The following CPNE4 variants were observed in gnomAD, a reference collection of about 807,000 sequenced individuals.
CPNE4 encodes the protein copine 4, also known as copine-4.
CPNE4 carries 25 observed loss-of-function variants against 67.9 expected under a neutral mutation model. That is an observed-to-expected ratio of 0.37 (90% confidence interval 0.27 to 0.51). CPNE4 has a LOEUF of 0.51. Ranked by LOEUF, CPNE4 falls within the 20% of genes least tolerant of loss-of-function variation. The pLI, the probability that CPNE4 is intolerant of heterozygous loss-of-function variation, is 0.93. For synonymous variants in CPNE4, 242 were observed against 244.9 expected, an observed-to-expected ratio of 0.99 and a Z score of 0.11; for missense variants, 464 against 690.8, an observed-to-expected ratio of 0.67 and a Z score of 3.68.
chr3:132,025,415 C>T (rs888136882), intron 1 of CPNE4, among the ~76,000 whole-genome samples: 5 of 152,214 alleles, frequency 3.3e-5, no homozygotes, highest in Admixed American at 2.0e-4. Context: ...TCCAGCATAA[C>T]GCTTGAGTCA....
chr3:131,994,619 A>G (rs2073243288), intron 1 of CPNE4, among the ~76,000 whole-genome samples: 1 of 152,198 alleles, frequency 6.6e-6, no homozygotes, highest in East Asian at 1.9e-4. Context: ...AGGTTTGTGT[A>G]TTTCTTTGGG....
intron 1 of CPNE4, among the ~76,000 whole-genome samples, chr3:131,999,241 T>TAGAAAAAAAAAAAA (rs2073367651): frequency 1.0e-5 from 1 of 98,834 alleles, no homozygotes; most frequent in Non-Finnish European, 1.9e-5. Flanking sequence ...TTATCCAAGG[T>TAGAAAAAAAAAAAA]AAAAAAAAAA....
chr3:131,645,410 A>G (rs2079641396), intron 7 of CPNE4, among the ~76,000 whole-genome samples: 1 of 152,162 alleles, frequency 6.6e-6, no homozygotes, highest in African/African-American at 2.4e-5. Context: ...ATCTATCATA[A>G]CATCTAATAC....
intron 7 of CPNE4, chr3:131,620,367 C>A (rs1226594768): frequency 1.4e-6 from 1 of 707,926 alleles, no homozygotes. Context: ...TTTAAATTGA[C>A]AAACTAGGCT....
chr3:131,708,673 C>T (rs369193183), intron 3 of CPNE4, among the ~76,000 whole-genome samples: 4 of 151,918 alleles, frequency 2.6e-5, no homozygotes, highest in African/African-American at 7.3e-5. Flanking sequence ...CTTCTCTGCT[C>T]AGGCTGGGGA....
At chr3:131,683,416 C>T (rs930464090) in intron 6 of CPNE4, among the ~76,000 whole-genome samples, 4 of 152,098 alleles carry the variant, frequency 2.6e-5, no homozygotes, top group Non-Finnish European at 4.4e-5. Flanking sequence ...CTAGAAATGT[C>T]GTCTCGGAGC....
At chr3:131,699,559 CT>C (rs1356454667) in intron 4 of CPNE4, among the ~76,000 whole-genome samples, 2 of 152,148 alleles carry the variant, frequency 1.3e-5, no homozygotes, top group Non-Finnish European at 2.9e-5. Flanking sequence ...AGCTTTGAAG[CT>C]TTGATTGTGT....
At chr3:131,821,940 TATTCCTAA>T (rs1475605392) in intron 2 of CPNE4, among the ~76,000 whole-genome samples, 1 of 152,206 alleles carries the variant, frequency 6.6e-6, no homozygotes, top group African/African-American at 2.4e-5. Flanking sequence ...AGGGACTCTC[TATTCCTAA>T]TTACCAGTAG....
intron 2 of CPNE4, among the ~76,000 whole-genome samples, chr3:131,791,154 T>C (rs768877650): frequency 2.8e-4 from 42 of 152,232 alleles, no homozygotes; most frequent in Non-Finnish European, 5.1e-4. Context: ...TGAATAAATA[T>C]GACCAACCAC....
chr3:131,712,810 AG>A (rs1268482578), intron 3 of CPNE4, among the ~76,000 whole-genome samples: 2 of 152,238 alleles, frequency 1.3e-5, no homozygotes, highest in African/African-American at 4.8e-5. Context: ...CAGCATTTGT[AG>A]GGGAAACACA....
chr3:131,983,705 T>C (rs1308651620), intron 1 of CPNE4, among the ~76,000 whole-genome samples: 3 of 152,220 alleles, frequency 2.0e-5, no homozygotes, highest in Non-Finnish European at 2.9e-5. Flanking sequence ...ATATTTTCTA[T>C]AGATGATTTT....
chr3:132,024,567 A>AT (rs2074076424), intron 1 of CPNE4, among the ~76,000 whole-genome samples: 1 of 152,070 alleles, frequency 6.6e-6, no homozygotes, highest in African/African-American at 2.4e-5. Flanking sequence ...CTGGTCTTCC[A>AT]TTTTTTATAT....
rs141719838 is a variant in CPNE4, at chr3:132,026,934, C to T, written c.-2+7633G>A. On this transcript the variant is annotated intron_variant, in intron 1 of 15. Coordinates refer to ENST00000429747, the MANE Select transcript of CPNE4 (RefSeq NM_130808.3). ...AACAGCTATTAAGTGCCAGAGCCAG[C>T]GTTCAAACTAAGTATGCTTACTTTT... 1.9e-4 allele frequency among the ~76,000 whole-genome samples: 29 copies of T among 152,316 alleles called. 1 individual carries two copies. The East Asian group carries it at 3.9e-3, about 20-fold the overall frequency.
chr3:131,968,077 T>A (rs979525297), intron 1 of CPNE4, among the ~76,000 whole-genome samples: 2 of 152,156 alleles, frequency 1.3e-5, no homozygotes, highest in African/African-American at 4.8e-5. Flanking sequence ...ATCTGATCTT[T>A]GACAAACCTG....
intron 2 of CPNE4, among the ~76,000 whole-genome samples, chr3:131,874,642 T>C (rs1430946194): frequency 6.6e-6 from 1 of 152,208 alleles, no homozygotes; most frequent in East Asian, 1.9e-4. Context: ...TGCAGATAAA[T>C]TGGGCTGAAT....
intron 1 of CPNE4, among the ~76,000 whole-genome samples, chr3:131,985,516 A>G (rs1406709065): frequency 6.6e-6 from 1 of 152,198 alleles, no homozygotes; most frequent in Non-Finnish European, 1.5e-5. Flanking sequence ...ACTTACAGAC[A>G]TTATAATTTG....
chr3:131,696,677 T>C, intron 4 of CPNE4, 61 bp from the exon 5 acceptor site: 2 of 1,477,820 alleles, frequency 1.4e-6, no homozygotes, highest in South Asian at 2.3e-5. Context: ...CCAGAACCCA[T>C]GAGCAAATTT....
At chr3:131,688,284 A>T (rs1195549477) in intron 5 of CPNE4, among the ~76,000 whole-genome samples, 2 of 152,120 alleles carry the variant, frequency 1.3e-5, no homozygotes, top group Non-Finnish European at 2.9e-5. Context: ...TCTATTTCTG[A>T]AGGTGCCTTC....
At chr3:131,644,971 C>A (rs2079628369) in intron 7 of CPNE4, among the ~76,000 whole-genome samples, 1 of 152,136 alleles carries the variant, frequency 6.6e-6, no homozygotes, top group Non-Finnish European at 1.5e-5. Flanking sequence ...TAATGTCACA[C>A]AAGCAAAAAG....
Sources: gnomAD v4.1 joint callset for allele counts (sites outside exome capture counted in the v4.1 genomes callset) on GRCh38, gnomAD v4.1.1 for gene constraint, MANE v1.5 for transcripts, NCBI Gene and HGNC (gene_info 2026-07-23, HGNC 2026-07-21) for gene names.